Variants in GIPC2 observed in about 807,000 individuals in gnomAD.
GIPC2 encodes the protein GIPC PDZ domain containing family member 2.
In GIPC2, 30 loss-of-function variants were observed where a neutral mutation model predicts 30.6. That is an observed-to-expected ratio of 0.98 (90% confidence interval 0.73 to 1.33). The LOEUF (loss-of-function observed/expected upper bound fraction) is 1.33. Among genes scored for constraint, GIPC2 ranks in the 40% most tolerant of loss-of-function variants. GIPC2 has a pLI of 0.00. For synonymous variants in GIPC2, 167 were observed against 150.0 expected (o/e 1.11, Z -0.83); for missense variants, 414 against 390.3 (o/e 1.06, Z -0.51).
At chr1:78,077,966 A>G (rs1310957532) in intron 1 of GIPC2, among the ~76,000 whole-genome samples, 2 of 152,068 alleles carry the variant, frequency 1.3e-5, no homozygotes, top group South Asian at 2.1e-4. Context: ...AGGCGGGCGG[A>G]TCACGAGGTC....
At chr1:78,089,785 A>G (rs1662003460) in intron 2 of GIPC2, among the ~76,000 whole-genome samples, 1 of 152,250 alleles carries the variant, frequency 6.6e-6, no homozygotes, top group African/African-American at 2.4e-5. Context: ...CAAAACCTGT[A>G]TATAGTTAAG....
intron 3 of GIPC2, among the ~76,000 whole-genome samples, chr1:78,113,608 C>G (rs1050416639): frequency 6.6e-6 from 1 of 152,074 alleles, no homozygotes; most frequent in Non-Finnish European, 1.5e-5. Flanking sequence ...AGGCTGGTCT[C>G]GAATTCCTGG....
At chr1:78,080,373 A>G (rs1174760595) in intron 1 of GIPC2, among the ~76,000 whole-genome samples, 1 of 152,080 alleles carries the variant, frequency 6.6e-6, no homozygotes, top group Non-Finnish European at 1.5e-5. Context: ...CAGTTTCCTC[A>G]TTTGTAATAT....
chr1:78,067,377 A>C (rs1425937449), intron 1 of GIPC2, among the ~76,000 whole-genome samples: 1 of 152,216 alleles, frequency 6.6e-6, no homozygotes, highest in Non-Finnish European at 1.5e-5. Context: ...ACAATGGTTC[A>C]ATAAATGTTA....
intron 3 of GIPC2, among the ~76,000 whole-genome samples, chr1:78,096,163 C>T (rs1240842723): frequency 1.3e-5 from 2 of 152,082 alleles, no homozygotes; most frequent in Non-Finnish European, 2.9e-5. Flanking sequence ...CCAGTACCTC[C>T]TGGAGGGAGC....
upstream of GIPC2, chr1:78,045,837 A>C (rs916937066): frequency 1.6e-5 from 20 of 1,275,478 alleles, no homozygotes; most frequent in Non-Finnish European, 2.0e-5. Context: ...AGGAGTAGGG[A>C]TAAACCTGGT....
At chr1:78,083,171 T>G (rs1661864672) in intron 2 of GIPC2, among the ~76,000 whole-genome samples, 1 of 152,188 alleles carries the variant, frequency 6.6e-6, no homozygotes, top group South Asian at 2.1e-4. Context: ...CTGTATTTCA[T>G]TTATGTCTTT....
At chr1:78,062,924 A>G (rs749806336) in intron 1 of GIPC2, among the ~76,000 whole-genome samples, 26 of 152,218 alleles carry the variant, frequency 1.7e-4, no homozygotes, top group Middle Eastern at 3.2e-3. Flanking sequence ...TGGAGCTTAG[A>G]GTAAAAGTAA....
rs189942516 is a variant in GIPC2, at chr1:78,124,238, C to G, written c.715-1643C>G. Among the ~76,000 whole-genome samples, 764 of 152,220 alleles carry G rather than the reference C, an allele frequency of 5.0e-3. 3 individuals are homozygous for G. The highest frequency in any genetic ancestry group is 8.4e-3 in the Non-Finnish European group (569 of 67,996). On this transcript the variant is annotated intron_variant, in intron 4 of 5. Transcript: ENST00000370759. ...CCAAAAATTTAAAATAATATTTTTA[C>G]TGAAATGTTTAGTAATCATTTCGGG...
intron 1 of GIPC2, among the ~76,000 whole-genome samples, chr1:78,049,167 G>C: frequency 6.6e-6 from 1 of 152,092 alleles, no homozygotes; most frequent in South Asian, 2.1e-4. Flanking sequence ...TTTTTGGTTG[G>C]TTTTTGTTTT....
chr1:78,063,127 C>T (rs914908750), intron 1 of GIPC2, among the ~76,000 whole-genome samples: 10 of 152,168 alleles, frequency 6.6e-5, no homozygotes, highest in East Asian at 1.9e-4. Context: ...TCTACCTATA[C>T]GCATAATTGA....
chr1:78,063,828 G>C (rs576349158), intron 1 of GIPC2, among the ~76,000 whole-genome samples: 1 of 150,090 alleles, frequency 6.7e-6, no homozygotes, highest in South Asian at 2.1e-4. Context: ...GGAGGTGGAG[G>C]TTGCAGTGAG....
intron 3 of GIPC2, among the ~76,000 whole-genome samples, chr1:78,099,452 T>TG (rs1662198779): frequency 1.3e-5 from 2 of 151,818 alleles, no homozygotes; most frequent in South Asian, 4.2e-4. Flanking sequence ...TCTTTTTTTT[T>TG]TTTTGAGACG....
chr1:78,051,621 TC>T (rs1246364683), intron 1 of GIPC2, among the ~76,000 whole-genome samples: 1 of 152,054 alleles, frequency 6.6e-6, no homozygotes, highest in Non-Finnish European at 1.5e-5. Context: ...TGCCTCAGCC[TC>T]CTGAGTAGCT....
chr1:78,133,962 C>A (rs1035625817), intron 5 of GIPC2, among the ~76,000 whole-genome samples: 2 of 152,124 alleles, frequency 1.3e-5, no homozygotes, highest in Admixed American at 6.5e-5. Flanking sequence ...CACTTTCTTA[C>A]TTTCTGGTAC....
At chr1:78,100,434 G>T (rs981188822) in intron 3 of GIPC2, among the ~76,000 whole-genome samples, 2 of 152,196 alleles carry the variant, frequency 1.3e-5, no homozygotes, top group Admixed American at 1.3e-4. Context: ...TTGGTAACCT[G>T]TTGGACATAG....
chr1:78,112,242 A>AT (rs1411218570), intron 3 of GIPC2, among the ~76,000 whole-genome samples: 1 of 152,068 alleles, frequency 6.6e-6, no homozygotes, highest in African/African-American at 2.4e-5. Flanking sequence ...GCCACTCATT[A>AT]TTTTTTTCTC....
At chr1:78,071,446 T>C (rs1661616081) in intron 1 of GIPC2, among the ~76,000 whole-genome samples, 1 of 151,518 alleles carries the variant, frequency 6.6e-6, no homozygotes, top group Non-Finnish European at 1.5e-5. Flanking sequence ...CCATACAGAG[T>C]ATAAAACTGT....
rs544604725 is a variant in GIPC2, at chr1:78,049,154, CT to C, written c.240+2827del. Among the ~76,000 whole-genome samples the C allele has an allele frequency of 2.9e-4, 44 of 152,188 alleles. No individual in the cohort carries two copies. In the South Asian group the frequency reaches 4.4e-3, roughly 15 times the overall value. On this transcript the variant is annotated intron_variant, in intron 1 of 5. Transcript: ENST00000370759. ...ACCTCAGCAATAATGATGTAAACAA[CT>C]TTTTTTGGTTGGTTTTTGTTTTTTG...
Sources: gnomAD v4.1 joint callset for allele counts (sites outside exome capture counted in the v4.1 genomes callset) on GRCh38, gnomAD v4.1.1 for gene constraint, MANE v1.5 for transcripts, NCBI Gene and HGNC (gene_info 2026-07-23, HGNC 2026-07-21) for gene names.